ME2: variants seen among roughly 807,000 people sequenced by gnomAD.
ME2 encodes the protein NAD-dependent malic enzyme, mitochondrial.
Under a neutral mutation model 73.7 loss-of-function variants are expected in ME2, and 60 were observed. That is an observed-to-expected ratio of 0.81 (90% CI 0.66 to 1.01). The LOEUF (loss-of-function observed/expected upper bound fraction) is 1.01. Ranked by LOEUF, ME2 falls within the 50% of genes least tolerant of loss-of-function variation. ME2 has a pLI of 0.00. For missense variants in ME2, 594 were observed against 705.5 expected (o/e 0.84, Z 1.79); for synonymous variants, 199 against 236.9 (o/e 0.84, Z 1.47).
chr18:50,913,215 T>TC (rs1157432705), intron 4 of ME2: 1 of 239,174 alleles, frequency 4.2e-6, no homozygotes, highest in Non-Finnish European at 7.9e-6. Flanking sequence ...TGGAACCTGC[T>TC]CCCCCACCAA....
At chr18:50,930,382 C>G (rs1423299337) in intron 12 of ME2, among the ~76,000 whole-genome samples, 2 of 152,114 alleles carry the variant, frequency 1.3e-5, no homozygotes, top group East Asian at 3.8e-4. Flanking sequence ...TTTTTAGTCC[C>G]ATTTTGTTTT....
chr18:50,901,098 GTTATAATTTGCCCTT>G (rs1282589755), intron 2 of ME2, among the ~76,000 whole-genome samples: 1 of 152,176 alleles, frequency 6.6e-6, no homozygotes, highest in Non-Finnish European at 1.5e-5. Context: ...TTGCCACTTA[GTTATAATTTGCCCTT>G]TTAGTGCAAT....
intron 15 of ME2, among the ~76,000 whole-genome samples, chr18:50,946,505 AC>A (rs1918086418): frequency 6.6e-6 from 1 of 152,230 alleles, no homozygotes; most frequent in East Asian, 1.9e-4. Flanking sequence ...CTTGTAAAAC[AC>A]ATAGAAAGTG....
intron 6 of ME2, among the ~76,000 whole-genome samples, 172 bp from the exon 7 acceptor site, chr18:50,917,938 T>G (rs1179542913): frequency 1.3e-5 from 2 of 152,130 alleles, no homozygotes; most frequent in Non-Finnish European, 2.9e-5. Context: ...ACCATTGCAC[T>G]CCAGCCTGGG....
chr18:50,881,896 T>A (rs1270056838), intron 1 of ME2, among the ~76,000 whole-genome samples: 1 of 152,224 alleles, frequency 6.6e-6, no homozygotes, highest in Non-Finnish European at 1.5e-5. Context: ...TAAATAGGTC[T>A]TGTAGTTTAA....
intron 1 of ME2, among the ~76,000 whole-genome samples, chr18:50,895,423 CTTA>C (rs931142811): frequency 2.0e-5 from 3 of 152,148 alleles, no homozygotes; most frequent in African/African-American, 7.2e-5. Context: ...TCTCTGCTTT[CTTA>C]TTATTTACTT....
chr18:50,882,778 G>A (rs139695243), intron 1 of ME2, among the ~76,000 whole-genome samples: 2,018 of 152,048 alleles, frequency 0.013, 19 homozygotes, highest in Middle Eastern at 0.037. Flanking sequence ...GTGAAACCCC[G>A]TCTCTACTAA....
chr18:50,896,711 C>T (rs1916755135), intron 2 of ME2, among the ~76,000 whole-genome samples: 1 of 152,036 alleles, frequency 6.6e-6, no homozygotes, highest in Non-Finnish European at 1.5e-5. Flanking sequence ...TTTAAAAGAA[C>T]AGTCATAAAA....
intron 1 of ME2, 132 bp from the exon 2 acceptor site, chr18:50,895,677 C>A: frequency 1.6e-6 from 1 of 615,700 alleles, no homozygotes; most frequent in Non-Finnish European, 2.8e-6. Context: ...TTTTCACCTT[C>A]GCCTCTTGTT....
At chr18:50,944,950 A>C (rs1918048160) in intron 15 of ME2, among the ~76,000 whole-genome samples, 1 of 152,194 alleles carries the variant, frequency 6.6e-6, no homozygotes, top group African/African-American at 2.4e-5. Flanking sequence ...CAAGGTCGGA[A>C]GGAATGAGGA....
rs1409627934 is a variant in ME2, at chr18:50,920,512, G to C, written c.791G>C (p.Arg264Thr). The C allele has an allele frequency of 6.2e-7, 1 of 1,600,058 alleles. No homozygotes were observed. Among genetic ancestry groups the C allele is most frequent in the Non-Finnish European group, 8.5e-7 (1 of 1,176,982 alleles). ...GACTTTGGAAATCATAATGCATTCA[G>C]GTTCTTGAGAAAGTACCGAGAAAAA... ...FEDFGNHNAF[R>T]FLRKYREKYC... Residue 264 changes from arginine to threonine, a missense_variant, in exon 8 of 16, where the codon AGG (arginine) becomes ACG (threonine). Arg to Thr is a moderately conservative substitution (Grantham distance 71). Coordinates refer to ENST00000321341, the MANE Select transcript of ME2 (RefSeq NM_002396.5).
intron 4 of ME2, among the ~76,000 whole-genome samples, chr18:50,914,871 C>T (rs775415637): frequency 6.6e-6 from 1 of 152,232 alleles, no homozygotes; most frequent in East Asian, 1.9e-4. Context: ...TCCCTTCCTT[C>T]TTTGCTTTCT....
Position 50,907,375 on chromosome 18 carries a change from G to A in ME2, c.109-688G>A, listed in dbSNP as rs558422697. ...CCTGAATAACTGCTCCCTGATTGCT[G>A]CATTTCTTTGGTAAATTTCCAGAAT... is the stretch of plus-strand genomic sequence containing the variant. On this transcript the variant is annotated intron_variant, in intron 2 of 15. Transcript: ENST00000321341. Among the ~76,000 whole-genome samples, 7 of 152,276 alleles carry A rather than the reference G, an allele frequency of 4.6e-5. No individual in the cohort carries two copies. The South Asian group carries it at 1.5e-3, about 32-fold the overall frequency.
intron 2 of ME2, among the ~76,000 whole-genome samples, chr18:50,900,173 A>C (rs902923805): frequency 1.3e-5 from 2 of 151,536 alleles, no homozygotes; most frequent in Admixed American, 1.3e-4. Flanking sequence ...TTGCATTACA[A>C]AGCCCATTTC....
intron 1 of ME2, among the ~76,000 whole-genome samples, chr18:50,895,563 A>G (rs1334242635): frequency 6.6e-6 from 1 of 152,234 alleles, no homozygotes; most frequent in African/African-American, 2.4e-5. Context: ...GTGACTAGAA[A>G]GAGGTTAAAT....
intron 1 of ME2, among the ~76,000 whole-genome samples, chr18:50,883,415 C>G (rs935234908): frequency 1.3e-5 from 2 of 152,242 alleles, no homozygotes; most frequent in Non-Finnish European, 2.9e-5. Flanking sequence ...AATGTCTTAA[C>G]AGCTTTAGTC....
rs898112597 is a variant in ME2 at position 50,950,111 on chromosome 18, C to T, written c.*2927C>T. The T allele has an allele frequency of 6.6e-6, 1 of 152,206 alleles. No individual in the cohort carries two copies. The highest frequency in any genetic ancestry group is 2.4e-5 in the African/African-American group (1 of 41,448). 9.4% of individuals were successfully genotyped at this position (152,206 alleles called of 1,614,324 possible). A position where few individuals can be genotyped will look rare whatever the true frequency, so the allele number is the denominator to read the frequency against. On this transcript the variant is annotated 3_prime_UTR_variant, in exon 16 of 16. Transcript: ENST00000321341. The stretch of plus-strand genomic sequence containing the variant: ...GGAAAAGGTAAGAATACATGTGTTT[C>T]TAATCTCCCACCACCACCTGTTGTA...
At chr18:50,930,983 C>G (rs1217109290) in intron 12 of ME2, among the ~76,000 whole-genome samples, 1 of 152,148 alleles carries the variant, frequency 6.6e-6, no homozygotes, top group Admixed American at 6.6e-5. Context: ...ACTCTTAAAC[C>G]TTGTATCATT....
At chr18:50,893,069 G>A (rs1312018905) in intron 1 of ME2, among the ~76,000 whole-genome samples, 3 of 142,888 alleles carry the variant, frequency 2.1e-5, no homozygotes, top group Non-Finnish European at 4.5e-5. Flanking sequence ...AGGTTGTAGC[G>A]AGCCAAGATC....
Sources: allele counts gnomAD v4.1 joint callset (sites outside exome capture counted in the v4.1 genomes callset), GRCh38; gene constraint gnomAD v4.1.1; transcripts MANE v1.5; gene names NCBI Gene and HGNC (gene_info 2026-07-23, HGNC 2026-07-21).